SP6: variants seen among roughly 807,000 people sequenced by gnomAD.
SP6 encodes Sp6 transcription factor.
Under a neutral mutation model 23.4 loss-of-function variants are expected in SP6, and 10 were observed. That is an observed-to-expected ratio of 0.43 (90% CI 0.26 to 0.72). The LOEUF is 0.72. Among genes scored for constraint, SP6 ranks in the 30% least tolerant of loss-of-function variants. SP6 has a pLI of 0.23. For missense variants in SP6, 482 were observed against 523.8 expected (o/e 0.92, Z 0.78); for synonymous variants, 238 against 238.7 (o/e 1.00, Z 0.03).
chr17:47,864,140 G>A, the SP6 span, among the ~76,000 whole-genome samples: 48 of 150,390 alleles, frequency 3.2e-4, 2 homozygotes, highest in East Asian at 5.8e-3. Context: ...CACCACGCCT[G>A]GCCTACACTG....
the SP6 span, among the ~76,000 whole-genome samples, chr17:47,868,631 C>T: frequency 2.6e-5 from 4 of 152,316 alleles, no homozygotes; most frequent in East Asian, 1.9e-4. Flanking sequence ...CTCCTAACCC[C>T]GACCATCATG....
At chr17:47,873,713 C>A in the SP6 span, among the ~76,000 whole-genome samples, 2 of 152,202 alleles carry the variant, frequency 1.3e-5, no homozygotes, top group Non-Finnish European at 2.9e-5. Flanking sequence ...CTCTGCTTGT[C>A]ATCCTCCCCA....
upstream of SP6, among the ~76,000 whole-genome samples, chr17:47,855,237 C>T (rs2033989745): frequency 6.6e-6 from 1 of 152,096 alleles, no homozygotes; most frequent in African/African-American, 2.4e-5. Flanking sequence ...CCTGTGTGTA[C>T]CTGTGGGCTT....
chr17:47,871,813 G>T, the SP6 span, among the ~76,000 whole-genome samples: 2 of 152,080 alleles, frequency 1.3e-5, no homozygotes, highest in Admixed American at 1.3e-4. Flanking sequence ...TAGAGACGGG[G>T]TTTCACCATG....
chr17:47,869,039 C>T, the SP6 span, among the ~76,000 whole-genome samples: 1 of 152,182 alleles, frequency 6.6e-6, no homozygotes, highest in Non-Finnish European at 1.5e-5. Context: ...ACCCCAGGGG[C>T]GTGAGCCCTT....
At position 47,847,992 on chromosome 17, in the gene SP6, C is replaced by T; in HGVS notation, c.438G>A (p.Gly146=). 6.3e-7 allele frequency: 1 copy of T among 1,597,684 alleles called. No individual in the cohort carries two copies. Among genetic ancestry groups the T allele is most frequent in the African/African-American group, 1.3e-5 (1 of 74,746 alleles). Residue 146 remains glycine, a synonymous_variant, in exon 2 of 2, where the codon GGG becomes GGA. Transcript: ENST00000536300. ...QGALTSPGHP[G]ALQAGLGGYV... ...AGCCCCCCAAGCCCGCCTGAAGCGC[C>T]CCCGGGTGGCCAGGTGAGGTCAGCG...
At chr17:47,862,303 C>T in the SP6 span, among the ~76,000 whole-genome samples, 1 of 147,518 alleles carries the variant, frequency 6.8e-6, no homozygotes, top group Non-Finnish European at 1.5e-5. Flanking sequence ...GAGATCGTGC[C>T]ACTGCCCTCC....
chr17:47,858,008 C>T (rs2034010785), upstream of SP6, among the ~76,000 whole-genome samples: 2 of 151,886 alleles, frequency 1.3e-5, no homozygotes, highest in Admixed American at 6.6e-5. Flanking sequence ...CCTGCACCTT[C>T]CAGGTGGCTC....
the SP6 span, among the ~76,000 whole-genome samples, chr17:47,869,263 A>G: frequency 7.2e-5 from 11 of 152,278 alleles, no homozygotes; most frequent in African/African-American, 2.6e-4. Flanking sequence ...TCATCCTGAG[A>G]TCTCAAAGCA....
chr17:47,852,386 T>C (rs144871096), upstream of SP6, among the ~76,000 whole-genome samples: 108 of 152,254 alleles, frequency 7.1e-4, no homozygotes, highest in African/African-American at 2.5e-3. Context: ...GCCCCATGCT[T>C]CACTCCCATG....
upstream of SP6, among the ~76,000 whole-genome samples, chr17:47,852,502 G>T (rs753714394): frequency 1.3e-5 from 2 of 152,006 alleles, no homozygotes; most frequent in African/African-American, 4.8e-5. Flanking sequence ...GCGCTTTGCC[G>T]TCGGCTTTTT....
At chr17:47,857,385 T>C (rs911587567), upstream of SP6, among the ~76,000 whole-genome samples, 3 of 152,204 alleles carry the variant, frequency 2.0e-5, no homozygotes, top group South Asian at 2.1e-4. Context: ...CTCCAAATTA[T>C]AGTTAATTAC....
At chr17:47,860,349 G>A (rs565704456), upstream of SP6, among the ~76,000 whole-genome samples, 12 of 152,318 alleles carry the variant, frequency 7.9e-5, no homozygotes, top group Non-Finnish European at 1.3e-4. Context: ...AATATAGAGC[G>A]TTTAATATTC....
rs2033886788 is a variant in SP6, at chr17:47,846,533, C to T, written c.*766G>A. Reference sequence around the variant, plus strand: ...AGTTCCTTCCATACCCCACCAAATCCCTATCTCTCATTTTAGAAGAGGACT... The same window carrying T: ...AGTTCCTTCCATACCCCACCAAATCTCTATCTCTCATTTTAGAAGAGGACT... On this transcript the variant is annotated 3_prime_UTR_variant, in exon 2 of 2. Transcript: ENST00000536300. 6.6e-6 allele frequency: 1 copy of T among 152,132 alleles called. No individual in the cohort carries two copies. The highest frequency in any genetic ancestry group is 2.1e-4 in the South Asian group (1 of 4,822). The allele number at this position is 152,132 out of a possible 1,614,324, so 9.4% of individuals were successfully genotyped here.
At chr17:47,851,540 C>T (rs1400667340), upstream of SP6, among the ~76,000 whole-genome samples, 2 of 152,184 alleles carry the variant, frequency 1.3e-5, no homozygotes, top group Non-Finnish European at 2.9e-5. Flanking sequence ...TAGGCAGCAA[C>T]CCTTAGGTTG....
chr17:47,859,873 C>T (rs1256565698), upstream of SP6, among the ~76,000 whole-genome samples: 4 of 152,174 alleles, frequency 2.6e-5, no homozygotes, highest in East Asian at 1.9e-4. Context: ...GGAGCAAGGG[C>T]GGTAAGTGGA....
Position 47,847,349 on chromosome 17 carries a change from CG to C in SP6, c.1080del (p.Gly362AlafsTer37), listed in dbSNP as rs768829645. ...EGKAGGAVEP[P>X]GGKGKREAEG... is the part of the protein sequence containing the mutation. ...TCGGCCTCGCGTTTGCCTTTGCCCC[CG>C]GGGGGCTCCACTGCGCCGCCGGCCT... On this transcript the variant is annotated frameshift_variant, in exon 2 of 2. Transcript: ENST00000536300. LOFTEE classifies it high-confidence loss of function. 3 of 1,600,146 alleles carry C rather than the reference CG, an allele frequency of 1.9e-6. No individual in the cohort carries two copies. The highest frequency in any genetic ancestry group is 2.6e-6 in the Non-Finnish European group (3 of 1,173,642).
At chr17:47,855,006 T>A (rs1267216252), upstream of SP6, among the ~76,000 whole-genome samples, 1 of 152,194 alleles carries the variant, frequency 6.6e-6, no homozygotes, top group Non-Finnish European at 1.5e-5. Context: ...AGCCTAAAGC[T>A]GGGGTCAAAT....
rs1370033189 is a variant in SP6, at chr17:47,846,321, C to T, written c.*978G>A. ...TGAGACACCCCCAATCTGCCCTCAACCAGCCCAAGAAACCCTCTTCCTTCC... is the reference window on the plus strand; with the variant it reads ...TGAGACACCCCCAATCTGCCCTCAATCAGCCCAAGAAACCCTCTTCCTTCC... On this transcript the variant is annotated 3_prime_UTR_variant, in exon 2 of 2. Coordinates refer to ENST00000536300, the MANE Select transcript of SP6 (RefSeq NM_001258248.2). 6.6e-6 allele frequency: 1 copy of T among 152,250 alleles called. No individual in the cohort carries two copies. Among genetic ancestry groups the T allele is most frequent in the African/African-American group, 2.4e-5 (1 of 41,418 alleles). 9.4% of individuals were successfully genotyped at this position (152,250 alleles called of 1,614,324 possible).
Sources: allele counts gnomAD v4.1 joint callset (sites outside exome capture counted in the v4.1 genomes callset), GRCh38; gene constraint gnomAD v4.1.1; transcripts MANE v1.5; gene names NCBI Gene and HGNC (gene_info 2026-07-23, HGNC 2026-07-21).